Variants in SMCHD1 observed in about 807,000 individuals in gnomAD.
The protein encoded by SMCHD1 is structural maintenance of chromosomes flexible hinge domain-containing protein 1.
Under a neutral mutation model 254.7 loss-of-function variants are expected in SMCHD1, and 78 were observed. That is an observed-to-expected ratio of 0.31 (90% confidence interval 0.26 to 0.37). SMCHD1 has a LOEUF of 0.37. SMCHD1 is among the 10% of genes least tolerant of loss of function. SMCHD1 has a pLI of 1.00. For synonymous variants in SMCHD1, 766 were observed against 794.9 expected, an observed-to-expected ratio of 0.96 and a Z score of 0.61; for missense variants, 1,840 against 2,408.1, an observed-to-expected ratio of 0.76 and a Z score of 4.94.
chr18:2,695,037 C>G (rs75758014), intron 8 of SMCHD1, among the ~76,000 whole-genome samples: 1 of 114,520 alleles, frequency 8.7e-6, no homozygotes, highest in African/African-American at 3.2e-5. Flanking sequence ...TCGTAATCTT[C>G]CATACCATAT....
At position 2,793,619 on chromosome 18, in the gene SMCHD1, C is replaced by T. The variant is rs181297670; in HGVS notation, c.5720-2330C>T. On this transcript the variant is annotated intron_variant, in intron 45 of 47. Transcript: ENST00000320876. ...GGTGGAGCTTGCAGTGAGCCAAGAT[C>T]GCGCCACTGCACTCCAGCCTGGGCG... Among the ~76,000 whole-genome samples, 196 of 138,996 alleles carry T rather than the reference C, an allele frequency of 1.4e-3. 1 individual carries two copies. The highest frequency in any genetic ancestry group is 3.9e-3 in the Middle Eastern group (1 of 256). 91.2% of individuals were successfully genotyped at this position (138,996 alleles called of 152,430 possible).
intron 34 of SMCHD1, among the ~76,000 whole-genome samples, chr18:2,757,280 A>C (rs1393388240): frequency 6.6e-6 from 1 of 151,966 alleles, no homozygotes; most frequent in African/African-American, 2.4e-5. Flanking sequence ...GTGTGATTAT[A>C]ACTCATTACA....
Position 2,772,364 on chromosome 18 carries a change from T to C in SMCHD1, c.5167T>C (p.Leu1723=), listed in dbSNP as rs1158080132. 2.6e-6 allele frequency: 4 copies of C among 1,561,676 alleles called. No homozygotes were observed. The highest frequency in any genetic ancestry group is 2.1e-5 in the Admixed American group (1 of 48,506). Residue 1723 remains leucine, a synonymous_variant, in exon 41 of 48, where the codon TTG becomes CTG. Transcript: ENST00000320876. ...PNYTKGSGDV[L]GKIAHLAQIE... ...CTATACTAAAGGCAGTGGAGATGTT[T>C]TGGGAAAGGTTTGTGTTTATTAAGC...
intron 17 of SMCHD1, among the ~76,000 whole-genome samples, chr18:2,713,361 C>G (rs528554933): frequency 1.3e-5 from 2 of 152,134 alleles, no homozygotes; most frequent in East Asian, 1.9e-4. Context: ...ATAATTGCAC[C>G]CTTTTTTTAA....
chr18:2,757,868 A>T (rs562102071), intron 34 of SMCHD1, among the ~76,000 whole-genome samples: 68 of 152,270 alleles, frequency 4.5e-4, no homozygotes, highest in African/African-American at 1.6e-3. Flanking sequence ...TTAGGTACAT[A>T]CAGACTTAGA....
intron 45 of SMCHD1, among the ~76,000 whole-genome samples, chr18:2,791,598 T>C (rs1428670473): frequency 6.6e-6 from 1 of 152,132 alleles, no homozygotes; most frequent in Non-Finnish European, 1.5e-5. Context: ...TTCAAGACTT[T>C]GGATATGAAG....
chr18:2,799,947 T>C (rs564736472), intron 47 of SMCHD1, among the ~76,000 whole-genome samples: 1 of 152,184 alleles, frequency 6.6e-6, no homozygotes, highest in South Asian at 2.1e-4. Flanking sequence ...TTAGAAAAAA[T>C]GTGTAGAAAG....
chr18:2,701,155 G>GTT lies in SMCHD1; in HGVS notation c.1647+244_1647+245dup, dbSNP rs200431551. The stretch of plus-strand genomic sequence containing the variant: ...GGATAGAATTTACATATCTTCATTA[G>GTT]TTTTTTTTGTTTTTTTTTTTTTAAG... On this transcript the variant is annotated intron_variant, in intron 12 of 47. Transcript: ENST00000320876. The GTT allele has an allele frequency of 2.4e-3, 545 of 228,038 alleles. 3 individuals carry two copies. Among genetic ancestry groups the GTT allele is most frequent in the Middle Eastern group, 3.9e-3 (3 of 766 alleles). The allele number at this position is 228,038 out of a possible 1,614,324, so 14.1% of individuals were successfully genotyped here. A position where few individuals can be genotyped will look rare whatever the true frequency, so the allele number is the denominator to read the frequency against.
intron 15 of SMCHD1, 62 bp downstream of exon 15, chr18:2,706,532 G>A (rs1449724979): frequency 4.5e-6 from 5 of 1,111,752 alleles, no homozygotes; most frequent in South Asian, 4.1e-5. Flanking sequence ...TGTGCTGTAA[G>A]TATTCTGAGT....
Position 2,750,653 on chromosome 18 carries a change from TAAGTC to T in SMCHD1, c.4165+149_4165+153del, listed in dbSNP as rs527761304. ...GATTTCAATATCATGTTGCAGATGTTAAGTCAATAGGAAATTAGTTTTTGTTTTAC... is the reference window on the plus strand; with the variant it reads ...GATTTCAATATCATGTTGCAGATGTTAATAGGAAATTAGTTTTTGTTTTAC... On this transcript the variant is annotated intron_variant, in intron 32 of 47. Coordinates refer to ENST00000320876, the MANE Select transcript of SMCHD1 (RefSeq NM_015295.3). 1,916 of 626,862 alleles carry T rather than the reference TAAGTC, an allele frequency of 3.1e-3. 16 individuals carry two copies. Among genetic ancestry groups the T allele is most frequent in the Middle Eastern group, 0.027 (59 of 2,206 alleles). The allele number at this position is 626,862 out of a possible 1,614,324, so 38.8% of individuals were successfully genotyped here. A position where few individuals can be genotyped will look rare whatever the true frequency, so the allele number is the denominator to read the frequency against.
intron 1 of SMCHD1, among the ~76,000 whole-genome samples, chr18:2,665,318 C>G (rs1482423887): frequency 6.6e-6 from 1 of 151,596 alleles, no homozygotes; most frequent in Non-Finnish European, 1.5e-5. Context: ...TGCAATTTCC[C>G]TCTAATTTTT....
intron 25 of SMCHD1, 38 bp from the exon 26 acceptor site, chr18:2,738,359 G>A (rs1282109614): frequency 6.6e-6 from 9 of 1,369,800 alleles, no homozygotes; most frequent in Admixed American, 2.7e-5. Context: ...AACATTAGAC[G>A]AAGCTTTATT....
rs921015166 is a variant in SMCHD1 at position 2,655,910 on chromosome 18, G to A, written c.-166G>A. 1.9e-5 allele frequency: 8 copies of A among 423,434 alleles called. No individual in the cohort carries two copies. Among genetic ancestry groups the A allele is most frequent in the Non-Finnish European group, 3.1e-5 (8 of 255,640 alleles). 26.2% of individuals were successfully genotyped at this position (423,434 alleles called of 1,614,324 possible). ...TTGAATCGGTTCCCGGGTGATCCTC[G>A]CGCCTGCCGCTGCTCGGCCGCCGCC... On this transcript the variant is annotated 5_prime_UTR_variant, in exon 1 of 48. Coordinates refer to ENST00000320876, the MANE Select transcript of SMCHD1 (RefSeq NM_015295.3).
intron 35 of SMCHD1, among the ~76,000 whole-genome samples, chr18:2,761,712 G>T (rs1250123242): frequency 6.6e-6 from 1 of 152,150 alleles, no homozygotes; most frequent in Non-Finnish European, 1.5e-5. Flanking sequence ...CAGCTATTCA[G>T]GAGGCTGAGG....
chr18:2,739,132 C>T (rs990979542), intron 26 of SMCHD1, among the ~76,000 whole-genome samples: 2 of 152,170 alleles, frequency 1.3e-5, no homozygotes, highest in Non-Finnish European at 2.9e-5. Context: ...TGAGATCTCT[C>T]AATGAGTTGT....
At chr18:2,758,673 A>AT (rs1409753306) in intron 34 of SMCHD1, among the ~76,000 whole-genome samples, 1 of 152,124 alleles carries the variant, frequency 6.6e-6, no homozygotes, top group African/African-American at 2.4e-5. Context: ...TTTACTGCAT[A>AT]TGGTATTCAA....
chr18:2,750,241 A>G, intron 31 of SMCHD1, 109 bp from the exon 32 acceptor site: 1 of 1,397,708 alleles, frequency 7.2e-7, no homozygotes, highest in Non-Finnish European at 9.7e-7. Context: ...TTGGGACTGA[A>G]TAGAAGTTGA....
In SMCHD1 at chr18:2,695,457, G is replaced by A. The variant is rs185705439; in HGVS notation, c.1040+764G>A. ...CCCGAGTAGCTGGGATTACAGGCGC[G>A]TGCCACCACACTCAACTAATTTTTG... On this transcript the variant is annotated intron_variant, in intron 8 of 47. Coordinates refer to ENST00000320876, the MANE Select transcript of SMCHD1 (RefSeq NM_015295.3). Among the ~76,000 whole-genome samples the A allele has an allele frequency of 4.1e-3, 629 of 151,998 alleles. 4 individuals carry two copies. The highest frequency in any genetic ancestry group is 0.015 in the African/African-American group (607 of 41,422).
At chr18:2,666,272 A>G (rs1254134778) in intron 2 of SMCHD1, 40 bp downstream of exon 2, 1 of 964,408 alleles carries the variant, frequency 1.0e-6, no homozygotes, top group East Asian at 2.6e-5. Context: ...TTTTATATTT[A>G]ATAAGGTTTA....
Sources: gnomAD v4.1 joint callset for allele counts (sites outside exome capture counted in the v4.1 genomes callset) on GRCh38, gnomAD v4.1.1 for gene constraint, MANE v1.5 for transcripts, NCBI Gene and HGNC (gene_info 2026-07-23, HGNC 2026-07-21) for gene names.